EPS15L1: variants seen among roughly 807,000 people sequenced by gnomAD.
EPS15L1 encodes the protein epidermal growth factor receptor substrate 15-like 1.
EPS15L1 carries 43 observed loss-of-function variants against 117.1 expected under a neutral mutation model. The observed-to-expected ratio is 0.37, with a 90% CI of 0.29 to 0.47. EPS15L1 has a LOEUF of 0.47. Among genes scored for constraint, EPS15L1 ranks in the 20% least tolerant of loss-of-function variants. The pLI, the probability that EPS15L1 is intolerant of heterozygous loss-of-function variation, is 0.99. For missense variants in EPS15L1, 981 were observed against 1,164.0 expected, an observed-to-expected ratio of 0.84 and a Z score of 2.29; for synonymous variants, 459 against 470.5, an observed-to-expected ratio of 0.98 and a Z score of 0.32.
chr19:16,363,591 T>C (rs1424379929), intron 22 of EPS15L1, among the ~76,000 whole-genome samples: 1 of 152,238 alleles, frequency 6.6e-6, no homozygotes, highest in African/African-American at 2.4e-5. Flanking sequence ...CTGCCACCTT[T>C]AGCTCTGGGC....
chr19:16,433,917 C>T (rs543144594), intron 7 of EPS15L1, among the ~76,000 whole-genome samples: 13 of 152,004 alleles, frequency 8.6e-5, no homozygotes, highest in South Asian at 2.1e-4. Context: ...GAGCCGAGAT[C>T]GTGCCACTGC....
chr19:16,357,172 T>G (rs1241187990), intron 23 of EPS15L1: 1 of 152,242 alleles, frequency 6.6e-6, no homozygotes, highest in East Asian at 1.9e-4. Context: ...CACGCAGCAC[T>G]AGGTCTGCGT....
intron 6 of EPS15L1, among the ~76,000 whole-genome samples, chr19:16,435,912 C>A (rs1406996435): frequency 6.6e-6 from 1 of 152,134 alleles, no homozygotes; most frequent in East Asian, 1.9e-4. Context: ...TGGACATAAC[C>A]CCTGGTGGAA....
chr19:16,447,329 C>A (rs2093093680), intron 1 of EPS15L1, among the ~76,000 whole-genome samples: 1 of 152,130 alleles, frequency 6.6e-6, no homozygotes, highest in Non-Finnish European at 1.5e-5. Flanking sequence ...AAGGAGAAGA[C>A]TTGGCAAGTG....
chr19:16,418,255 T>C (rs914043063), intron 10 of EPS15L1, 151 bp from the exon 11 acceptor site: 1 of 840,196 alleles, frequency 1.2e-6, no homozygotes, highest in Non-Finnish European at 1.8e-6. Context: ...ACTTCACATC[T>C]CCTTCCCAGG....
At chr19:16,400,373 C>T (rs1439602973) in intron 16 of EPS15L1, among the ~76,000 whole-genome samples, 1 of 147,774 alleles carries the variant, frequency 6.8e-6, no homozygotes, top group Non-Finnish European at 1.5e-5. Context: ...AAAAAAAAAC[C>T]CCTGACTTTT....
intron 22 of EPS15L1, among the ~76,000 whole-genome samples, chr19:16,367,170 C>T (rs2092144718): frequency 6.6e-6 from 1 of 151,472 alleles, no homozygotes; most frequent in Admixed American, 6.6e-5. Context: ...ATGATGGCAT[C>T]AAACCAGGTG....
In EPS15L1 at chr19:16,471,926, G is replaced by C. The variant is rs990260997; in HGVS notation, c.20C>G (p.Pro7Arg). 5.4e-6 allele frequency: 7 copies of C among 1,295,822 alleles called. No homozygotes were observed. The highest frequency in any genetic ancestry group is 1.5e-5 in the African/African-American group (1 of 64,606). The allele number at this position is 1,295,822 out of a possible 1,614,324, so 80.3% of individuals were successfully genotyped here. The change falls in exon 1 of 24, where the codon CCC (proline) becomes CGC (arginine). Residue 7 changes from proline to arginine, a missense_variant. This residue lies in a region of EPS15L1 where 37 missense variants were observed against 21.2 expected (regional missense o/e 1.75). Coordinates refer to ENST00000455140, the MANE Select transcript of EPS15L1 (RefSeq NM_001258374.3). This position sits in a 1 kb window ranked among gnomAD's most constrained non-coding sequence, Gnocchi z 4.8. ...CCCGGCCCGTACCTGCTGGGAGAGGGGGATGAGCGGCGCCGCCATCTTCCC... is the reference window on the plus strand; with the variant it reads ...CCCGGCCCGTACCTGCTGGGAGAGGCGGATGAGCGGCGCCGCCATCTTCCC... MAAPLIPLSQQIPTGNS... is the reference protein window; with the variant it reads MAAPLIRLSQQIPTGNS...
Position 16,403,892 on chromosome 19 carries a change from A to C in EPS15L1, c.1467T>G (p.Ser489=), listed in dbSNP as rs376366550. ...GATCGTCTTCCTGGGACTTTAAGTC[A>C]GATTCCTGAGATTGGATTTGCGTTT... ...SLKTQIQSQE[S]DLKSQEDDLN... The change falls in exon 15 of 24, where the codon TCT becomes TCG. Residue 489 remains serine, a synonymous_variant. Coordinates refer to ENST00000455140, the MANE Select transcript of EPS15L1 (RefSeq NM_001258374.3). 1.9e-5 allele frequency: 30 copies of C among 1,614,020 alleles called. No homozygotes were observed. The highest frequency in any genetic ancestry group is 2.5e-5 in the Non-Finnish European group (29 of 1,180,026).
At chr19:16,375,051 C>A (rs1283406159) in intron 22 of EPS15L1, among the ~76,000 whole-genome samples, 9 of 152,158 alleles carry the variant, frequency 5.9e-5, no homozygotes, top group Non-Finnish European at 1.2e-4. Flanking sequence ...CAGGCATGCA[C>A]AATGCAGTAT....
intron 1 of EPS15L1, among the ~76,000 whole-genome samples, chr19:16,454,466 T>A (rs535691244): frequency 1.4e-4 from 21 of 152,230 alleles, no homozygotes; most frequent in African/African-American, 5.1e-4. Flanking sequence ...TGGTGTACTA[T>A]GTCAGCATGA....
chr19:16,385,036 C>T (rs1391685513), intron 21 of EPS15L1, 93 bp downstream of exon 21: 6 of 976,252 alleles, frequency 6.1e-6, no homozygotes, highest in East Asian at 2.4e-5. Context: ...GAGATACATA[C>T]GTGACATGAA....
chr19:16,446,965 A>T (rs148998992), intron 1 of EPS15L1, among the ~76,000 whole-genome samples: 1 of 152,252 alleles, frequency 6.6e-6, no homozygotes, highest in African/African-American at 2.4e-5. Flanking sequence ...AACACATCTC[A>T]GTCTGAGTTC....
chr19:16,409,412 A>G (rs572679409), intron 13 of EPS15L1, among the ~76,000 whole-genome samples: 2 of 152,330 alleles, frequency 1.3e-5, no homozygotes, highest in African/African-American at 4.8e-5. Context: ...ACACAGGGAT[A>G]CATCATGTGA....
At chr19:16,434,303 A>C (rs535768063) in intron 7 of EPS15L1, 62 bp downstream of exon 7, 1 of 1,574,886 alleles carries the variant, frequency 6.3e-7, no homozygotes, top group Non-Finnish European at 8.6e-7. Context: ...GAAAGAGAAC[A>C]GTGGCGCCCA....
chr19:16,453,633 A>C lies in EPS15L1; in HGVS notation c.34-11414T>G, dbSNP rs182414839. On this transcript the variant is annotated intron_variant, in intron 1 of 23. Coordinates refer to ENST00000455140, the MANE Select transcript of EPS15L1 (RefSeq NM_001258374.3). Reference sequence around the variant, plus strand: ...GAGGCTGAAGCAGGAGAATGGCGTGAACCCGGGAGGCGGATCTTGCAGTGA... The same window carrying C: ...GAGGCTGAAGCAGGAGAATGGCGTGCACCCGGGAGGCGGATCTTGCAGTGA... Among the ~76,000 whole-genome samples, 13 of 152,188 alleles carry C rather than the reference A, an allele frequency of 8.5e-5. No individual in the cohort carries two copies. In the East Asian group the frequency reaches 2.5e-3, roughly 29 times the overall value.
chr19:16,471,802 C>A lies in EPS15L1; in HGVS notation c.33+111G>T. 2.4e-6 allele frequency: 1 copy of A among 416,990 alleles called. No homozygotes were observed. The highest frequency in any genetic ancestry group is 3.7e-6 in the Non-Finnish European group (1 of 269,416). 25.8% of individuals were successfully genotyped at this position (416,990 alleles called of 1,614,324 possible). A position where few individuals can be genotyped will look rare whatever the true frequency, so the allele number is the denominator to read the frequency against. On this transcript the variant is annotated intron_variant, in intron 1 of 23. Coordinates refer to ENST00000455140, the MANE Select transcript of EPS15L1 (RefSeq NM_001258374.3). This position sits in a 1 kb window ranked among gnomAD's most constrained non-coding sequence, Gnocchi z 4.8. ...CCCGCCCGCCGCAAGCCCTTCAGCACGCGCCGCCCCCGCCGCCGCCTGGCT... is the reference window on the plus strand; with the variant it reads ...CCCGCCCGCCGCAAGCCCTTCAGCAAGCGCCGCCCCCGCCGCCGCCTGGCT...
In EPS15L1 at chr19:16,361,744, A is replaced by C. The variant is rs2092054433; in HGVS notation, c.2586+35T>G. On this transcript the variant is annotated intron_variant, in intron 23 of 23. Transcript: ENST00000455140. ...CCCAGGGAAGCTGCAAGCGGAAGGG[A>C]GTGGGGTGGCCCGGAGGCGGAGGAC... 2.5e-6 allele frequency: 4 copies of C among 1,593,950 alleles called. No homozygotes were observed. In the African/African-American group the frequency reaches 5.4e-5, roughly 21 times the overall value.
chr19:16,363,706 G>C (rs932579921), intron 22 of EPS15L1, among the ~76,000 whole-genome samples: 1 of 152,184 alleles, frequency 6.6e-6, no homozygotes, highest in East Asian at 1.9e-4. Context: ...TGGGGTCCAG[G>C]AGTCTCCTCC....
Sources: gnomAD v4.1 joint callset for allele counts (sites outside exome capture counted in the v4.1 genomes callset) on GRCh38, gnomAD v4.1.1 for gene constraint, gnomAD v4.1.1 regional missense constraint, Gnocchi (gnomAD v3.1) non-coding constraint, MANE v1.5 for transcripts, NCBI Gene and HGNC (gene_info 2026-07-23, HGNC 2026-07-21) for gene names.